BCL2L14: variants seen among roughly 807,000 people sequenced by gnomAD.
The protein encoded by BCL2L14 is apoptosis facilitator Bcl-2-like protein 14.
Under a neutral mutation model 35.3 loss-of-function variants are expected in BCL2L14, and 27 were observed. The observed-to-expected ratio is 0.76, with a 90% CI of 0.56 to 1.05. BCL2L14 has a LOEUF of 1.05. Ranked by LOEUF, BCL2L14 falls within the 50% of genes least tolerant of loss-of-function variation. The probability of loss-of-function intolerance (pLI) is 0.00; values close to 1 mark genes in which losing one functional copy is unlikely to be tolerated. For synonymous variants in BCL2L14, 139 were observed against 145.9 expected (o/e 0.95, Z 0.34); for missense variants, 377 against 382.6 (o/e 0.99, Z 0.12).
rs1321534945 is a variant in BCL2L14 at position 12,071,084 on chromosome 12, C to G, written c.-61C>G. On this transcript the variant is annotated 5_prime_UTR_variant, in exon 1 of 6. The change creates a new upstream start codon in the 5' untranslated region. Coordinates refer to ENST00000308721, the MANE Select transcript of BCL2L14 (RefSeq NM_138723.2). The stretch of plus-strand genomic sequence containing the variant: ...GAGAGAGACTCAGGTATAGAAATAT[C>G]CTTACTGCCACCTGACCTGAAGCAG... 1 of 152,162 alleles carries G rather than the reference C, an allele frequency of 6.6e-6. No individual in the cohort carries two copies. Among genetic ancestry groups the G allele is most frequent in the Non-Finnish European group, 1.5e-5 (1 of 68,026 alleles). 9.4% of individuals were successfully genotyped at this position (152,162 alleles called of 1,614,324 possible). A position where few individuals can be genotyped will look rare whatever the true frequency, so the allele number is the denominator to read the frequency against.
At position 12,079,297 on chromosome 12, in the gene BCL2L14, A is replaced by C; in HGVS notation, c.-7-2A>C. 6.2e-7 allele frequency: 1 copy of C among 1,609,292 alleles called. No individual in the cohort carries two copies. Among genetic ancestry groups the C allele is most frequent in the Non-Finnish European group, 8.5e-7 (1 of 1,177,484 alleles). On this transcript the variant is annotated splice_acceptor_variant, in intron 1 of 5. Coordinates refer to ENST00000308721, the MANE Select transcript of BCL2L14 (RefSeq NM_138723.2). LOFTEE classifies it low-confidence loss of function (5UTR_SPLICE). Reference sequence around the variant, plus strand: ...GGCACAGTGTGGACTTTGTTGTTACAGGCCCAACATGTGTAGCACCAGTGG... The same window carrying C: ...GGCACAGTGTGGACTTTGTTGTTACCGGCCCAACATGTGTAGCACCAGTGG...
rs533658225 is a variant in BCL2L14 at position 12,087,358 on chromosome 12, C to A, written c.579C>A (p.His193Gln). Residue 193 changes from histidine (H) to glutamine (Q), a missense_variant, in exon 3 of 6, where the codon CAC (histidine) becomes CAA (glutamine). Physicochemically the swap from His to Gln is conservative, Grantham distance 24 (BLOSUM62 0). Transcript: ENST00000308721. The stretch of plus-strand genomic sequence containing the variant: ...GTCTCTCCTTCCAGCTCCAAGGCCA[C>A]GTGCCTGTAGCTTCAAGTTCTAAGA... ...TEGLSFQLQG[H>Q]VPVASSSKKD... 16 of 1,614,214 alleles carry A rather than the reference C, an allele frequency of 9.9e-6. No individual in the cohort carries two copies. The South Asian group carries it at 1.8e-4, about 18-fold the overall frequency.
upstream of BCL2L14, among the ~76,000 whole-genome samples, chr12:12,069,425 C>T (rs1241678693): frequency 4.6e-5 from 7 of 151,912 alleles, no homozygotes; most frequent in South Asian, 4.2e-4. Flanking sequence ...TTTGGCCAGG[C>T]GCGGTGGCTC....
At chr12:12,098,843 C>G in intron 5 of BCL2L14, 107 bp from the exon 6 acceptor site, 1 of 808,082 alleles carries the variant, frequency 1.2e-6, no homozygotes, top group Non-Finnish European at 2.2e-6. Flanking sequence ...AACATGGTCT[C>G]CTGAGCCTCG....
At chr12:12,053,398 A>G (rs1293448444) in intron 2 of BCL2L14, among the ~76,000 whole-genome samples, 3 of 148,480 alleles carry the variant, frequency 2.0e-5, no homozygotes, top group Non-Finnish European at 3.0e-5. Context: ...ACAAGGTTAC[A>G]ATGGCCCTAT....
chr12:12,095,746 C>A, intron 5 of BCL2L14: 1 of 985,394 alleles, frequency 1.0e-6, no homozygotes. Flanking sequence ...GACCCTGGGA[C>A]CTCCACACAG....
At chr12:12,079,033 G>A (rs974303878) in intron 1 of BCL2L14, among the ~76,000 whole-genome samples, 6 of 152,174 alleles carry the variant, frequency 3.9e-5, no homozygotes, top group Admixed American at 1.3e-4. Context: ...CTGACCTCAT[G>A]ATCTGCCCGC....
intron 2 of BCL2L14, among the ~76,000 whole-genome samples, chr12:12,059,070 C>T (rs1009841103): frequency 2.0e-5 from 3 of 152,184 alleles, no homozygotes; most frequent in Non-Finnish European, 2.9e-5. Flanking sequence ...AAAGGAGACA[C>T]GTTTTATCCG....
upstream of BCL2L14, among the ~76,000 whole-genome samples, chr12:12,070,712 C>G (rs1415763473): frequency 1.3e-5 from 2 of 152,054 alleles, no homozygotes; most frequent in Non-Finnish European, 2.9e-5. Context: ...TGTACAGTAC[C>G]TGTACCATGT....
At chr12:12,068,640 G>A (rs1463671069), upstream of BCL2L14, among the ~76,000 whole-genome samples, 1 of 151,250 alleles carries the variant, frequency 6.6e-6, no homozygotes. Context: ...AGCACTACAT[G>A]CGTGAGTCAT....
At chr12:12,090,140 A>G (rs1949147999) in intron 3 of BCL2L14, among the ~76,000 whole-genome samples, 1 of 152,210 alleles carries the variant, frequency 6.6e-6, no homozygotes, top group Admixed American at 6.5e-5. Context: ...ATCTTCATAG[A>G]CAGAATCCTG....
At chr12:12,068,949 G>A (rs913816058), upstream of BCL2L14, among the ~76,000 whole-genome samples, 4 of 152,156 alleles carry the variant, frequency 2.6e-5, no homozygotes, top group African/African-American at 9.7e-5. Context: ...GGAAAAAGGT[G>A]GGGAGTTCCC....
At chr12:12,075,289 A>G (rs1343043394) in intron 1 of BCL2L14, among the ~76,000 whole-genome samples, 6 of 151,670 alleles carry the variant, frequency 4.0e-5, no homozygotes, top group Non-Finnish European at 8.8e-5. Flanking sequence ...TGCCCAGCTA[A>G]TTTTTGTATT....
Position 12,099,230 on chromosome 12 carries a change from T to C in BCL2L14, c.*242T>C. Reference sequence around the variant, plus strand: ...GCCCTCCATTGAGAACCTGAGGAAATCTGTAAAGATAAGTGGTGATGTTGT... The same window carrying C: ...GCCCTCCATTGAGAACCTGAGGAAACCTGTAAAGATAAGTGGTGATGTTGT... On this transcript the variant is annotated 3_prime_UTR_variant, in exon 6 of 6. Coordinates refer to ENST00000308721, the MANE Select transcript of BCL2L14 (RefSeq NM_138723.2). The C allele has an allele frequency of 1.9e-6, 1 of 514,566 alleles. No homozygotes were observed. Among genetic ancestry groups the C allele is most frequent in the Non-Finnish European group, 3.5e-6 (1 of 286,196 alleles). The allele number at this position is 514,566 out of a possible 1,614,324, so 31.9% of individuals were successfully genotyped here.
In BCL2L14 at chr12:12,087,365, G is replaced by A. The variant is rs17819796; in HGVS notation, c.586G>A (p.Val196Ile). 1.3e-3 allele frequency: 2,045 copies of A among 1,614,204 alleles called. 4 individuals carry two copies. The highest frequency in any genetic ancestry group is 2.5e-3 in the Admixed American group (151 of 60,018). Residue 196 changes from valine (V) to isoleucine (I), a missense_variant, in exon 3 of 6, where the codon GTA (valine) becomes ATA (isoleucine). Physicochemically the swap from Val to Ile is conservative, Grantham distance 29. Transcript: ENST00000308721. ...CTTCCAGCTCCAAGGCCACGTGCCT[G>A]TAGCTTCAAGTTCTAAGAAAGGTAA... The part of the protein sequence containing the change: ...LSFQLQGHVP[V>I]ASSSKKDEEE...
chr12:12,051,474 G>C (rs183823805), intron 1 of BCL2L14, among the ~76,000 whole-genome samples: 6 of 152,076 alleles, frequency 3.9e-5, no homozygotes, highest in African/African-American at 1.2e-4. Flanking sequence ...ACCTTAACTC[G>C]CCTCTCATGA....
At chr12:12,082,302 C>G (rs1366929277) in intron 2 of BCL2L14, among the ~76,000 whole-genome samples, 3 of 152,206 alleles carry the variant, frequency 2.0e-5, no homozygotes, top group African/African-American at 7.2e-5. Flanking sequence ...GGAGCGGCCC[C>G]CTGTGGTCCT....
At chr12:12,056,415 A>T (rs1295203932) in intron 2 of BCL2L14, among the ~76,000 whole-genome samples, 4 of 152,196 alleles carry the variant, frequency 2.6e-5, no homozygotes, top group African/African-American at 9.6e-5. Context: ...TAAACCCCTC[A>T]TCTATAGTAA....
intron 5 of BCL2L14, chr12:12,095,327 G>A (rs1260654494): frequency 3.2e-5 from 32 of 985,382 alleles, no homozygotes; most frequent in East Asian, 2.3e-4. Context: ...TAGAGGTCAC[G>A]GAGACTAAGC....
Sources: gnomAD v4.1 joint callset for allele counts (sites outside exome capture counted in the v4.1 genomes callset) on GRCh38, gnomAD v4.1.1 for gene constraint, MANE v1.5 for transcripts, NCBI Gene and HGNC (gene_info 2026-07-23, HGNC 2026-07-21) for gene names.